The following STK24 variants were observed in gnomAD, a reference collection of about 807,000 sequenced individuals.
STK24 encodes the protein serine/threonine kinase 24, also known as serine/threonine-protein kinase 24.
Under a neutral mutation model 55.6 loss-of-function variants are expected in STK24, and 21 were observed. The ratio of observed to expected loss-of-function variants is 0.38; its 90% CI spans 0.27 to 0.54. The LOEUF (loss-of-function observed/expected upper bound fraction) is 0.54, where lower values mean the gene tolerates loss of function less well. Ranked by LOEUF, STK24 falls within the 20% of genes least tolerant of loss-of-function variation. The probability of loss-of-function intolerance (pLI) is 0.79; values close to 1 mark genes in which losing one functional copy is unlikely to be tolerated. For synonymous variants in STK24, 200 were observed against 215.2 expected, an observed-to-expected ratio of 0.93 and a Z score of 0.62; for missense variants, 383 against 538.4, an observed-to-expected ratio of 0.71 and a Z score of 2.86.
At chr13:98,518,396 C>T (rs868255253) in intron 2 of STK24, among the ~76,000 whole-genome samples, 2 of 152,236 alleles carry the variant, frequency 1.3e-5, no homozygotes, top group South Asian at 2.1e-4. Flanking sequence ...AGGTTTATCG[C>T]TGCCTCCCCT....
At chr13:98,462,049 G>T in intron 7 of STK24, 152 bp from the exon 8 acceptor site, 1 of 961,484 alleles carries the variant, frequency 1.0e-6, no homozygotes, top group Non-Finnish European at 1.5e-6. Context: ...GTCCCTCTGG[G>T]ATTTCCCAAA....
In STK24 at chr13:98,524,796, C is replaced by G. The variant is rs558937696; in HGVS notation, c.43-5323G>C. The stretch of plus-strand genomic sequence containing the variant: ...TAGTAACCTGCCTGTTTTCCTTTTG[C>G]CTGGACCAAGACGGCTTAGAAAACA... On this transcript the variant is annotated intron_variant, in intron 1 of 10. Coordinates refer to ENST00000539966, the MANE Select transcript of STK24 (RefSeq NM_001032296.4). 1.3e-3 allele frequency among the ~76,000 whole-genome samples: 198 copies of G among 152,304 alleles called. 3 individuals carry two copies. The South Asian group carries it at 0.016, about 12-fold the overall frequency.
At chr13:98,515,889 A>C (rs1234772770) in intron 2 of STK24, among the ~76,000 whole-genome samples, 1 of 152,238 alleles carries the variant, frequency 6.6e-6, no homozygotes, top group Non-Finnish European at 1.5e-5. Flanking sequence ...CCCTTAAAGA[A>C]CTAAGAACAG....
intron 2 of STK24, among the ~76,000 whole-genome samples, chr13:98,509,399 T>A (rs1895799625): frequency 6.6e-6 from 1 of 150,700 alleles, no homozygotes; most frequent in South Asian, 2.1e-4. Context: ...AACACAATTT[T>A]AAAAAAACAA....
intron 1 of STK24, among the ~76,000 whole-genome samples, chr13:98,538,449 T>G (rs1472575351): frequency 6.6e-6 from 1 of 151,966 alleles, no homozygotes; most frequent in Non-Finnish European, 1.5e-5. Context: ...GGTCTCAAAC[T>G]CCTGACCTCA....
chr13:98,543,178 A>T (rs551827035), intron 1 of STK24: 1 of 245,066 alleles, frequency 4.1e-6, no homozygotes, highest in African/African-American at 2.3e-5. Flanking sequence ...GTCCCCACAG[A>T]GTTGTTTTTT....
chr13:98,507,556 T>G (rs1319800310), intron 2 of STK24, among the ~76,000 whole-genome samples: 2 of 152,222 alleles, frequency 1.3e-5, no homozygotes, highest in Non-Finnish European at 2.9e-5. Context: ...CTAATTATCT[T>G]TGGCTCTGAT....
intron 10 of STK24, 141 bp downstream of exon 10, chr13:98,457,027 C>G (rs1594568651): frequency 9.9e-7 from 1 of 1,015,092 alleles, no homozygotes; most frequent in Non-Finnish European, 1.4e-6. Flanking sequence ...AAAGTCTCCT[C>G]TAATTCAACT....
intron 2 of STK24, among the ~76,000 whole-genome samples, chr13:98,503,187 C>A (rs573123485): frequency 6.6e-6 from 1 of 151,798 alleles, no homozygotes; most frequent in Non-Finnish European, 1.5e-5. Flanking sequence ...TAAAGATGAA[C>A]ACAACTCCGC....
rs150507563 is a variant in STK24 at position 98,524,288 on chromosome 13, C to T, written c.43-4815G>A. Among the ~76,000 whole-genome samples, 454 of 152,102 alleles carry T rather than the reference C, an allele frequency of 3.0e-3. 2 individuals are homozygous for T. Among genetic ancestry groups the T allele is most frequent in the African/African-American group, 0.01 (418 of 41,474 alleles). Reference sequence around the variant, plus strand: ...CCATAAGAGCAGCCCACACCTTGAACCACCTGGCCTGTGGTTCCTGTGCTG... The same window carrying T: ...CCATAAGAGCAGCCCACACCTTGAATCACCTGGCCTGTGGTTCCTGTGCTG... On this transcript the variant is annotated intron_variant, in intron 1 of 10. Transcript: ENST00000539966.
At chr13:98,527,141 C>G (rs1017148346) in intron 1 of STK24, among the ~76,000 whole-genome samples, 1 of 152,136 alleles carries the variant, frequency 6.6e-6, no homozygotes, top group African/African-American at 2.4e-5. Flanking sequence ...GAATGGCCAG[C>G]CACTGAGAAT....
At chr13:98,576,089 T>A in intron 1 of STK24, 1 of 984,448 alleles carries the variant, frequency 1.0e-6, no homozygotes, top group Non-Finnish European at 1.2e-6. Context: ...GGGACCCTGG[T>A]GCGCGGCTGT....
rs528739332 is a variant in STK24 at position 98,463,563 on chromosome 13, T to C, written c.929+128A>G. The stretch of plus-strand genomic sequence containing the variant: ...GCCCAGGCTGTGTCTAACACAACAA[T>C]TGCCACCAACCTGGATTGTCTAAAA... On this transcript the variant is annotated intron_variant, in intron 7 of 10. Coordinates refer to ENST00000539966, the MANE Select transcript of STK24 (RefSeq NM_001032296.4). 22 of 1,165,274 alleles carry C rather than the reference T, an allele frequency of 1.9e-5. No individual in the cohort carries two copies. In the African/African-American group the frequency reaches 1.9e-4, roughly 10 times the overall value. The allele number at this position is 1,165,274 out of a possible 1,614,324, so 72.2% of individuals were successfully genotyped here. A position where few individuals can be genotyped will look rare whatever the true frequency, so the allele number is the denominator to read the frequency against.
Position 98,475,341 on chromosome 13 carries a change from T to A in STK24, c.348A>T (p.Leu116Phe). 1 of 1,611,312 alleles carries A rather than the reference T, an allele frequency of 6.2e-7. No homozygotes were observed. The highest frequency in any genetic ancestry group is 1.1e-5 in the South Asian group (1 of 90,160). ...ATATAGTAGCGATCTGGGTTTCATC[T>A]AATGGGCCAGGTTCTAACTAAGAAG... ...SALDLLEPGP[L>F]DETQIATILR... is the part of the protein sequence containing the mutation. The change falls in exon 4 of 11, where the codon TTA becomes TTT. Residue 116 changes from leucine (L) to phenylalanine (F), a missense_variant. Coordinates refer to ENST00000539966, the MANE Select transcript of STK24 (RefSeq NM_001032296.4).
At chr13:98,542,398 C>A (rs4772097) in intron 1 of STK24, among the ~76,000 whole-genome samples, 39,407 of 150,616 alleles carry the variant, frequency 0.26, 6,178 homozygotes, top group East Asian at 0.42. Context: ...ACAACAACAA[C>A]AAAAAAAACG....
intron 6 of STK24, among the ~76,000 whole-genome samples, chr13:98,465,349 G>A (rs1319086337): frequency 3.3e-5 from 5 of 152,228 alleles, no homozygotes; most frequent in South Asian, 4.1e-4. Flanking sequence ...CCAGCTCCTC[G>A]GTAGCTGTGG....
intron 9 of STK24, among the ~76,000 whole-genome samples, chr13:98,459,217 G>A (rs1157429257): frequency 1.3e-5 from 2 of 152,220 alleles, no homozygotes; most frequent in East Asian, 3.9e-4. Context: ...GCGCAGGATG[G>A]CGCTCAACCC....
chr13:98,521,617 G>A (rs1006404895), intron 1 of STK24, among the ~76,000 whole-genome samples: 12 of 152,206 alleles, frequency 7.9e-5, no homozygotes, highest in East Asian at 5.8e-4. Flanking sequence ...CCCTACACGC[G>A]GCCTTGAACC....
At chr13:98,515,528 G>A (rs1159818861) in intron 2 of STK24, among the ~76,000 whole-genome samples, 1 of 150,094 alleles carries the variant, frequency 6.7e-6, no homozygotes, top group Admixed American at 6.6e-5. Flanking sequence ...GGGGTGGGGG[G>A]ATTCACTGTT....
Sources: allele counts gnomAD v4.1 joint callset (sites outside exome capture counted in the v4.1 genomes callset), GRCh38; gene constraint gnomAD v4.1.1; transcripts MANE v1.5; gene names NCBI Gene and HGNC (gene_info 2026-07-23, HGNC 2026-07-21).